Variants in PTPRO observed in about 807,000 individuals in gnomAD.
PTPRO encodes protein tyrosine phosphatase receptor type O.
A neutral mutation model predicts 145.2 loss-of-function variants in PTPRO; 62 were observed. That is an observed-to-expected ratio of 0.43 (90% confidence interval 0.35 to 0.53). The LOEUF (loss-of-function observed/expected upper bound fraction) is 0.53. Among genes scored for constraint, PTPRO ranks in the 20% least tolerant of loss-of-function variants. The probability of loss-of-function intolerance (pLI) is 0.01; values close to 1 mark genes in which losing one functional copy is unlikely to be tolerated. For missense variants in PTPRO, 1,345 were observed against 1,482.7 expected (o/e 0.91, Z 1.53); for synonymous variants, 565 against 514.7 (o/e 1.10, Z -1.32).
At chr12:15,480,153 A>T (rs535413177) in intron 1 of PTPRO, among the ~76,000 whole-genome samples, 1 of 152,076 alleles carries the variant, frequency 6.6e-6, no homozygotes, top group African/African-American at 2.4e-5. Flanking sequence ...TGTTGTTTCT[A>T]TTTCTCTGGT....
rs533622569 is a variant in PTPRO at position 15,341,783 on chromosome 12, A to C, written c.75+18982A>C. ...AAGAGAAAACCAAGTACCTGATTAA[A>C]AACAAAACAAAACAAAAAGGTCGTA... On this transcript the variant is annotated intron_variant, in intron 1 of 26. Coordinates refer to ENST00000281171, the MANE Select transcript of PTPRO (RefSeq NM_030667.3). Among the ~76,000 whole-genome samples the C allele has an allele frequency of 3.3e-5, 5 of 152,352 alleles. No homozygotes were observed. In the South Asian group the frequency reaches 1.0e-3, roughly 32 times the overall value.
At chr12:15,383,686 A>G (rs1938934213) in intron 1 of PTPRO, among the ~76,000 whole-genome samples, 1 of 152,198 alleles carries the variant, frequency 6.6e-6, no homozygotes, top group South Asian at 2.1e-4. Flanking sequence ...GTTTTGGCCT[A>G]GAAAAGTGGG....
chr12:15,350,516 G>C (rs1232760022), intron 1 of PTPRO, among the ~76,000 whole-genome samples: 2 of 152,194 alleles, frequency 1.3e-5, no homozygotes, highest in Non-Finnish European at 2.9e-5. Context: ...AACAGTGAAG[G>C]CTGGTGTTGC....
At chr12:15,472,284 C>A (rs902795810) in intron 1 of PTPRO, among the ~76,000 whole-genome samples, 5 of 152,178 alleles carry the variant, frequency 3.3e-5, no homozygotes, top group Non-Finnish European at 5.9e-5. Flanking sequence ...TGCCTATTGG[C>A]CTTACATCAT....
chr12:15,422,306 C>T (rs1940168418), intron 1 of PTPRO, among the ~76,000 whole-genome samples: 1 of 152,056 alleles, frequency 6.6e-6, no homozygotes, highest in African/African-American at 2.4e-5. Flanking sequence ...TGTTTCAGGG[C>T]ATTTGAGGCA....
chr12:15,433,367 T>G (rs1940503807), intron 1 of PTPRO, among the ~76,000 whole-genome samples: 1 of 152,054 alleles, frequency 6.6e-6, no homozygotes, highest in African/African-American at 2.4e-5. Context: ...ATTTTTTTAG[T>G]AGAGACAGGG....
rs774072609 is a variant in PTPRO, at chr12:15,581,692, A to T, written c.3146A>T (p.His1049Leu). Reference protein sequence around the residue: ...CNEKRRVKCDHYWPFTEEPIA... With the variant: ...CNEKRRVKCDLYWPFTEEPIA... ...TCCTTGCTCCAGGTGAAATGTGACC[A>T]TTACTGGCCATTCACGGAAGAACCT... The change falls in exon 23 of 27, where the codon CAT becomes CTT. Residue 1049 changes from histidine (H) to leucine (L), a missense_variant. Physicochemically the swap from His to Leu is moderately conservative, Grantham distance 99. Coordinates refer to ENST00000281171, the MANE Select transcript of PTPRO (RefSeq NM_030667.3). 6.2e-7 allele frequency: 1 copy of T among 1,613,966 alleles called. No individual in the cohort carries two copies. Among genetic ancestry groups the T allele is most frequent in the Non-Finnish European group, 8.5e-7 (1 of 1,179,868 alleles).
intron 1 of PTPRO, among the ~76,000 whole-genome samples, chr12:15,354,100 A>G (rs2136234478): frequency 6.6e-6 from 1 of 152,230 alleles, no homozygotes; most frequent in South Asian, 2.1e-4. Flanking sequence ...TCCTCCTCAA[A>G]TAGGGCACTA....
intron 7 of PTPRO, among the ~76,000 whole-genome samples, chr12:15,513,172 A>T (rs1279636708): frequency 0.011 from 872 of 80,608 alleles, 67 homozygotes; most frequent in African/African-American, 0.033. Flanking sequence ...AAAGAAAGAA[A>T]GAAAGAAAGA....
chr12:15,397,679 C>T (rs1342731226), intron 1 of PTPRO, among the ~76,000 whole-genome samples: 3 of 152,286 alleles, frequency 2.0e-5, no homozygotes, highest in East Asian at 3.9e-4. Context: ...ATCAACCAAC[C>T]ATTATTGAGC....
intron 1 of PTPRO, among the ~76,000 whole-genome samples, chr12:15,406,391 C>T (rs959741962): frequency 1.3e-5 from 2 of 152,086 alleles, no homozygotes; most frequent in African/African-American, 2.4e-5. Context: ...CTGGAGCAGC[C>T]AAATCAATCA....
At chr12:15,475,996 G>A (rs555761199) in intron 1 of PTPRO, among the ~76,000 whole-genome samples, 1 of 152,056 alleles carries the variant, frequency 6.6e-6, no homozygotes, top group South Asian at 2.1e-4. Flanking sequence ...AGGATTGTAA[G>A]GAAAGCAAAA....
chr12:15,415,448 A>G (rs940971764), intron 1 of PTPRO, among the ~76,000 whole-genome samples: 27 of 149,672 alleles, frequency 1.8e-4, no homozygotes, highest in South Asian at 4.2e-4. Flanking sequence ...GCAGTGGTGC[A>G]GTCTTGGCTC....
intron 17 of PTPRO, among the ~76,000 whole-genome samples, chr12:15,565,176 A>G (rs1455693312): frequency 1.3e-5 from 2 of 152,234 alleles, no homozygotes; most frequent in Non-Finnish European, 2.9e-5. Flanking sequence ...TCTTTAATTA[A>G]GAAAACAACA....
At chr12:15,546,372 GA>G in intron 12 of PTPRO, 196 bp from the exon 13 acceptor site, 4 of 1,416,132 alleles carry the variant, frequency 2.8e-6, no homozygotes, top group Non-Finnish European at 2.7e-6. Flanking sequence ...ATGGAAGGGG[GA>G]AAAGGCAAAG....
chr12:15,417,393 C>T lies in PTPRO; in HGVS notation c.76-66581C>T, dbSNP rs182593416. ...AACTTTTAATAACTCTGAACACAAA[C>T]AGCTTGAAAACAATAATTGGATAGA... is the stretch of plus-strand genomic sequence containing the variant. On this transcript the variant is annotated intron_variant, in intron 1 of 26. Coordinates refer to ENST00000281171, the MANE Select transcript of PTPRO (RefSeq NM_030667.3). Among the ~76,000 whole-genome samples, 21 of 151,850 alleles carry T rather than the reference C, an allele frequency of 1.4e-4. No individual in the cohort carries two copies. The East Asian group carries it at 4.0e-3, about 29-fold the overall frequency.
intron 1 of PTPRO, among the ~76,000 whole-genome samples, chr12:15,389,470 T>C (rs553515207): frequency 3.9e-4 from 60 of 152,256 alleles, no homozygotes; most frequent in African/African-American, 1.4e-3. Context: ...ACACTGAATG[T>C]GAAAGTGAAG....
intron 1 of PTPRO, among the ~76,000 whole-genome samples, chr12:15,380,490 AT>A (rs1229154936): frequency 6.6e-6 from 1 of 152,154 alleles, no homozygotes; most frequent in African/African-American, 2.4e-5. Context: ...GACTCAAAGA[AT>A]AACAACTTAT....
intron 17 of PTPRO, among the ~76,000 whole-genome samples, chr12:15,563,589 A>G (rs1943828690): frequency 6.6e-6 from 1 of 152,126 alleles, no homozygotes; most frequent in Non-Finnish European, 1.5e-5. Flanking sequence ...ATATGATAAT[A>G]TGTCATACAA....
Sources: gnomAD v4.1 joint callset for allele counts (sites outside exome capture counted in the v4.1 genomes callset) on GRCh38, gnomAD v4.1.1 for gene constraint, MANE v1.5 for transcripts, NCBI Gene and HGNC (gene_info 2026-07-23, HGNC 2026-07-21) for gene names.